RIN2: variants seen among roughly 807,000 people sequenced by gnomAD.
The protein encoded by RIN2 is RAB5 interacting protein 2.
In RIN2, 36 loss-of-function variants were observed where a neutral mutation model predicts 78.0. The observed-to-expected ratio is 0.46, with a 90% CI of 0.35 to 0.61. The LOEUF (loss-of-function observed/expected upper bound fraction) is 0.61. Among genes scored for constraint, RIN2 ranks in the 20% least tolerant of loss-of-function variants. The probability of loss-of-function intolerance (pLI) is 0.00; values close to 1 mark genes in which losing one functional copy is unlikely to be tolerated. For synonymous variants in RIN2, 466 were observed against 466.8 expected (o/e 1.00, Z 0.02); for missense variants, 1,087 against 1,159.7 (o/e 0.94, Z 0.91).
intron 2 of RIN2, among the ~76,000 whole-genome samples, chr20:19,873,594 C>T (rs137929627): frequency 1.3e-5 from 2 of 152,258 alleles, no homozygotes; most frequent in African/African-American, 4.8e-5. Context: ...TTCTCAAAAG[C>T]ACATGGTAGG....
At chr20:19,805,689 A>C (rs1018034543) in intron 2 of RIN2, among the ~76,000 whole-genome samples, 1 of 151,522 alleles carries the variant, frequency 6.6e-6, no homozygotes, top group African/African-American at 2.4e-5. Flanking sequence ...GGCATGAGCC[A>C]CTGCGCCTGG....
chr20:19,998,773 C>T (rs568045328), intron 12 of RIN2, among the ~76,000 whole-genome samples: 14 of 152,280 alleles, frequency 9.2e-5, no homozygotes, highest in African/African-American at 2.9e-4. Context: ...TAAGAAGGTC[C>T]CTGTGCCACT....
chr20:19,759,458 T>A (rs779997642), intron 1 of RIN2, among the ~76,000 whole-genome samples: 31 of 152,196 alleles, frequency 2.0e-4, no homozygotes, highest in Non-Finnish European at 4.1e-4. Context: ...CAGCACTCCA[T>A]CATTAAGATA....
intron 2 of RIN2, among the ~76,000 whole-genome samples, chr20:19,870,992 T>A (rs1600666834): frequency 6.6e-6 from 1 of 152,224 alleles, no homozygotes. Context: ...GGAGATGTTA[T>A]TATTTATCTT....
chr20:19,963,850 T>G, intron 6 of RIN2, among the ~76,000 whole-genome samples: 1 of 144,920 alleles, frequency 6.9e-6, no homozygotes, highest in African/African-American at 2.6e-5. Flanking sequence ...CTTGCCAGTA[T>G]GTGTCTTTTT....
chr20:19,956,891 A>G (rs955387356), intron 5 of RIN2, 84 bp downstream of exon 5: 1 of 1,229,740 alleles, frequency 8.1e-7, no homozygotes, highest in African/African-American at 1.5e-5. Context: ...TTAGTTCCAG[A>G]AATTTCTTCC....
chr20:19,768,781 C>T (rs185895831), intron 1 of RIN2, among the ~76,000 whole-genome samples: 16 of 152,246 alleles, frequency 1.1e-4, no homozygotes, highest in South Asian at 2.1e-4. Flanking sequence ...CACCAGAAAC[C>T]GTCTCTCCTC....
chr20:19,865,825 A>T (rs1010136116), intron 2 of RIN2, among the ~76,000 whole-genome samples: 1 of 152,096 alleles, frequency 6.6e-6, no homozygotes, highest in Non-Finnish European at 1.5e-5. Context: ...TAATAAAAAT[A>T]TACACATACA....
intron 3 of RIN2, among the ~76,000 whole-genome samples, chr20:19,921,382 A>T (rs997011897): frequency 2.0e-5 from 3 of 152,180 alleles, no homozygotes; most frequent in African/African-American, 7.2e-5. Context: ...AGCTGAGGTT[A>T]TAATGGATTG....
intron 1 of RIN2, among the ~76,000 whole-genome samples, chr20:19,784,489 A>T (rs965931831): frequency 6.6e-6 from 1 of 152,198 alleles, no homozygotes; most frequent in Non-Finnish European, 1.5e-5. Context: ...ATTTAAACAC[A>T]TAGGGAACTC....
intron 2 of RIN2, among the ~76,000 whole-genome samples, chr20:19,851,587 G>A (rs1054167805): frequency 6.6e-6 from 1 of 152,164 alleles, no homozygotes; most frequent in Non-Finnish European, 1.5e-5. Flanking sequence ...GCTGGGCTTG[G>A]TGGTGTGTGC....
intron 9 of RIN2, among the ~76,000 whole-genome samples, chr20:19,989,418 C>T (rs150436436): frequency 0.021 from 3,128 of 151,908 alleles, 125 homozygotes; most frequent in African/African-American, 0.071. Context: ...GGACTACAAG[C>T]GTGCACCACC....
intron 3 of RIN2, among the ~76,000 whole-genome samples, chr20:19,898,304 C>T (rs1201114647): frequency 2.0e-5 from 3 of 152,170 alleles, no homozygotes; most frequent in Non-Finnish European, 4.4e-5. Flanking sequence ...GCAGATTGCC[C>T]AGGTTCCCCT....
Position 19,894,200 on chromosome 20 carries a change from C to T in RIN2, c.57+4542C>T, listed in dbSNP as rs567035064. On this transcript the variant is annotated intron_variant, in intron 3 of 12. Coordinates refer to ENST00000255006, the MANE Select transcript of RIN2 (RefSeq NM_018993.4). ...CTACTGCTATCACATTTCAAAGGTACATTGAACGAAAGAGTTTGTATAAGA... is the reference window on the plus strand; with the variant it reads ...CTACTGCTATCACATTTCAAAGGTATATTGAACGAAAGAGTTTGTATAAGA... 5.3e-5 allele frequency among the ~76,000 whole-genome samples: 8 copies of T among 152,236 alleles called. No individual in the cohort carries two copies. In the South Asian group the frequency reaches 1.7e-3, roughly 32 times the overall value.
At chr20:19,962,449 ATGTGTGTGG>A (rs1339487454) in intron 6 of RIN2, among the ~76,000 whole-genome samples, 1 of 152,282 alleles carries the variant, frequency 6.6e-6, no homozygotes, top group Admixed American at 6.5e-5. Flanking sequence ...AGTGTGGGCA[ATGTGTGTGG>A]AAGCTTCCTC....
Position 19,990,081 on chromosome 20 carries a change from A to T in RIN2, c.1838A>T (p.Asp613Val). ...GGGCACGTGGAGGCCATGCTGAAGG[A>T]CTTTCACATGGCCGATGGCTCATGG... ...LKGHVEAMLKDFHMADGSWKQ... is the reference protein window; with the variant it reads ...LKGHVEAMLKVFHMADGSWKQ... Residue 613 changes from aspartate to valine, a missense_variant, in exon 10 of 13, where the codon GAC becomes GTC. Coordinates refer to ENST00000255006, the MANE Select transcript of RIN2 (RefSeq NM_018993.4). 1.3e-6 allele frequency: 2 copies of T among 1,599,508 alleles called. No homozygotes were observed. Among genetic ancestry groups the T allele is most frequent in the Non-Finnish European group, 1.7e-6 (2 of 1,172,950 alleles).
chr20:19,834,534 C>T (rs1206046709), intron 2 of RIN2, among the ~76,000 whole-genome samples: 2 of 152,132 alleles, frequency 1.3e-5, no homozygotes, highest in Non-Finnish European at 2.9e-5. Context: ...CTCCTCCTGC[C>T]CTCCCACCCC....
intron 3 of RIN2, among the ~76,000 whole-genome samples, chr20:19,900,099 C>T (rs149304954): frequency 6.6e-6 from 1 of 152,334 alleles, no homozygotes; most frequent in East Asian, 1.9e-4. Context: ...CCAACCAATT[C>T]TTGTCATGCA....
At chr20:19,923,425 T>TAAATAAAATAAAATA (rs561665019) in intron 3 of RIN2, among the ~76,000 whole-genome samples, 7,565 of 125,136 alleles carry the variant, frequency 0.06, 316 homozygotes, top group East Asian at 0.12. Flanking sequence ...CAAAATAAAA[T>TAAATAAAATAAAATA]AAATAAAATA....
Sources: gnomAD v4.1 joint callset for allele counts (sites outside exome capture counted in the v4.1 genomes callset) on GRCh38, gnomAD v4.1.1 for gene constraint, MANE v1.5 for transcripts, NCBI Gene and HGNC (gene_info 2026-07-23, HGNC 2026-07-21) for gene names.